MAPK6: variants seen among roughly 807,000 people sequenced by gnomAD.
MAPK6 encodes the protein ERK-3.
MAPK6 carries 19 observed loss-of-function variants against 59.3 expected under a neutral mutation model. That is an observed-to-expected ratio of 0.32 (90% CI 0.22 to 0.47). The LOEUF is 0.47. Ranked by LOEUF, MAPK6 falls within the 20% of genes least tolerant of loss-of-function variation. The pLI, the probability that MAPK6 is intolerant of heterozygous loss-of-function variation, is 1.00. For synonymous variants in MAPK6, 316 were observed against 290.3 expected (o/e 1.09, Z -0.90); for missense variants, 724 against 847.9 (o/e 0.85, Z 1.81).
intron 1 of MAPK6, among the ~76,000 whole-genome samples, chr15:52,031,580 C>A (rs970495543): frequency 6.6e-6 from 1 of 151,978 alleles, no homozygotes; most frequent in Non-Finnish European, 1.5e-5. Flanking sequence ...CCTGTAATCC[C>A]AGCACTTTGG....
At chr15:52,047,118 T>A in intron 2 of MAPK6, 103 bp downstream of exon 2, 1 of 815,944 alleles carries the variant, frequency 1.2e-6, no homozygotes, top group Non-Finnish European at 1.8e-6. Context: ...TTTTTAATCT[T>A]ATTAAACTTT....
At position 52,058,383 on chromosome 15, in the gene MAPK6, C is replaced by G. The variant is rs190771742; in HGVS notation, c.701-250C>G. Reference sequence around the variant, plus strand: ...TTTTTTTTCACTAGTTTGTGATAACCTTAATATGAGACCAAACTTAAAGAG... The same window carrying G: ...TTTTTTTTCACTAGTTTGTGATAACGTTAATATGAGACCAAACTTAAAGAG... On this transcript the variant is annotated intron_variant, in intron 3 of 5. Transcript: ENST00000261845. Among the ~76,000 whole-genome samples the G allele has an allele frequency of 9.9e-5, 15 of 152,136 alleles. No individual in the cohort carries two copies. The East Asian group carries it at 2.7e-3, about 27-fold the overall frequency.
At chr15:52,041,240 A>G (rs1424464177) in intron 1 of MAPK6, among the ~76,000 whole-genome samples, 2 of 152,078 alleles carry the variant, frequency 1.3e-5, no homozygotes, top group African/African-American at 4.8e-5. Context: ...CTTGTTGCTC[A>G]GGCTAGAGTG....
At chr15:52,057,548 T>G (rs1291082013) in intron 3 of MAPK6, among the ~76,000 whole-genome samples, 3 of 66,128 alleles carry the variant, frequency 4.5e-5, no homozygotes, top group African/African-American at 1.6e-4. Context: ...AGTGAGGCCT[T>G]CCTTTGTCTC....
At chr15:52,001,874 G>A (rs904923659) in intron 2 of MAPK6, among the ~76,000 whole-genome samples, 2 of 152,104 alleles carry the variant, frequency 1.3e-5, no homozygotes, top group African/African-American at 4.8e-5. Context: ...GAGGAATCTG[G>A]GAATTCAAGA....
chr15:52,049,722 C>T (rs1344611472), intron 2 of MAPK6, among the ~76,000 whole-genome samples: 2 of 150,508 alleles, frequency 1.3e-5, no homozygotes, highest in Non-Finnish European at 2.9e-5. Flanking sequence ...TCGAGCGATT[C>T]TCCTGGCTCA....
intron 2 of MAPK6, 51 bp downstream of exon 2, chr15:52,047,066 C>T: frequency 3.1e-6 from 4 of 1,301,558 alleles, no homozygotes; most frequent in Non-Finnish European, 4.1e-6. Flanking sequence ...TACACCTAAT[C>T]AGGAATAGGT....
upstream of MAPK6, among the ~76,000 whole-genome samples, chr15:52,014,884 T>G (rs1595970088): frequency 6.6e-6 from 1 of 152,334 alleles, no homozygotes; most frequent in African/African-American, 2.4e-5. Flanking sequence ...TGGGCAATGC[T>G]CTCTTATTTA....
chr15:51,977,587 G>C (rs1428838185), intron 1 of MAPK6, among the ~76,000 whole-genome samples: 1 of 151,828 alleles, frequency 6.6e-6, no homozygotes, highest in Non-Finnish European at 1.5e-5. Flanking sequence ...CCAGGCTGGA[G>C]GTCAAGTGGT....
At chr15:52,022,809 A>G (rs1346915573) in intron 1 of MAPK6, among the ~76,000 whole-genome samples, 1 of 152,158 alleles carries the variant, frequency 6.6e-6, no homozygotes, top group Non-Finnish European at 1.5e-5. Flanking sequence ...TGCATAATTC[A>G]GAGTTTAAAA....
At chr15:51,973,799 T>A (rs2057148955) in intron 1 of MAPK6, among the ~76,000 whole-genome samples, 1 of 151,846 alleles carries the variant, frequency 6.6e-6, no homozygotes, top group South Asian at 2.1e-4. Flanking sequence ...ATTACAGGCA[T>A]GCGCCACCAT....
intron 3 of MAPK6, among the ~76,000 whole-genome samples, chr15:52,014,138 TC>T (rs763401649): frequency 2.0e-5 from 3 of 151,960 alleles, no homozygotes; most frequent in Admixed American, 6.6e-5. Context: ...CTCCCTGATG[TC>T]CCCGGTTCTT....
intron 1 of MAPK6, among the ~76,000 whole-genome samples, chr15:52,028,116 C>G (rs1237595352): frequency 1.3e-5 from 2 of 151,944 alleles, no homozygotes; most frequent in Admixed American, 1.3e-4. Context: ...CCACGCCCGG[C>G]TAATTTTTTG....
At chr15:52,016,070 G>GCGCACACA, upstream of MAPK6, among the ~76,000 whole-genome samples, 345 of 55,434 alleles carry the variant, frequency 6.2e-3, 2 homozygotes, top group African/African-American at 8.3e-3. Flanking sequence ...GCGCGCGCGC[G>GCGCACACA]CACACACACA....
intron 2 of MAPK6, among the ~76,000 whole-genome samples, chr15:52,049,376 T>A (rs1352903036): frequency 1.4e-4 from 12 of 85,972 alleles, no homozygotes; most frequent in African/African-American, 3.5e-4. Context: ...TTTTTTTTTT[T>A]AAAGACAGGG....
Position 51,998,687 on chromosome 15 carries a change from A to ATTTTTTTTTTTTTTTTTTTTTCTTTTTT in MAPK6, c.-769-5557_-769-5556insCTTTTTTTTTTTTTTTTTTTTTTTTTTT, listed in dbSNP as rs964775744. 5.2e-5 allele frequency among the ~76,000 whole-genome samples: 2 copies of ATTTTTTTTTTTTTTTTTTTTTCTTTTTT among 38,472 alleles called. 1 individual carries two copies. The highest frequency in any genetic ancestry group is 9.3e-5 in the Non-Finnish European group (2 of 21,536). The allele number at this position is 38,472 out of a possible 152,430, so 25.2% of individuals were successfully genotyped here. Reference sequence around the variant, plus strand: ...AGGCGTGCGCCACCATGCCTGGTTAATTTTTTTTTTTTTTTTTTTTTGAGA... The same window carrying ATTTTTTTTTTTTTTTTTTTTTCTTTTTT: ...AGGCGTGCGCCACCATGCCTGGTTAATTTTTTTTTTTTTTTTTTTTTCTTTTTTTTTTTTTTTTTTTTTTTTTTTGAGA... On this transcript the variant is annotated intron_variant, in intron 2 of 7. Transcript: ENST00000691380.
intron 2 of MAPK6, among the ~76,000 whole-genome samples, chr15:51,999,775 C>G (rs1449159617): frequency 6.6e-6 from 1 of 152,176 alleles, no homozygotes; most frequent in Non-Finnish European, 1.5e-5. Context: ...TCGTGAATAG[C>G]TGGGACTACA....
Position 52,050,134 on chromosome 15 carries a change from G to C in MAPK6, c.697G>C (p.Ala233Pro), listed in dbSNP as rs372421487. Reference protein sequence around the residue: ...AEMLTGKTLFAGAHELEQMQL... With the variant: ...AEMLTGKTLFPGAHELEQMQL... Reference sequence around the variant, plus strand: ...AATGCTGACTGGTAAAACCCTTTTTGCAGGTTAGTATTTTGTGGGGGGAAA... The same window carrying C: ...AATGCTGACTGGTAAAACCCTTTTTCCAGGTTAGTATTTTGTGGGGGGAAA... Residue 233 changes from alanine (A) to proline (P), a missense_variant, in exon 3 of 6, where the codon GCA (alanine) becomes CCA (proline). Ala to Pro is a conservative substitution (Grantham distance 27). This residue lies in a region of MAPK6 where 105 missense variants were observed against 191.9 expected (regional missense o/e 0.55). Coordinates refer to ENST00000261845, the MANE Select transcript of MAPK6 (RefSeq NM_002748.4). The C allele has an allele frequency of 6.9e-6, 11 of 1,604,728 alleles. No homozygotes were observed. Among genetic ancestry groups the C allele is most frequent in the Non-Finnish European group, 9.3e-6 (11 of 1,178,000 alleles).
chr15:52,020,081 C>G (rs1001449035), intron 1 of MAPK6: 1 of 152,302 alleles, frequency 6.6e-6, no homozygotes, highest in Non-Finnish European at 1.5e-5. Context: ...CTCGGCCCTA[C>G]AGTCTTTCCT....
Sources: gnomAD v4.1 joint callset for allele counts (sites outside exome capture counted in the v4.1 genomes callset) on GRCh38, gnomAD v4.1.1 for gene constraint, gnomAD v4.1.1 regional missense constraint, MANE v1.5 for transcripts, NCBI Gene and HGNC (gene_info 2026-07-23, HGNC 2026-07-21) for gene names.